HSPG2: variants seen among roughly 807,000 people sequenced by gnomAD.
HSPG2 encodes basement membrane-specific heparan sulfate proteoglycan core protein.
Under a neutral mutation model 526.6 loss-of-function variants are expected in HSPG2, and 278 were observed. The observed-to-expected ratio is 0.53, with a 90% CI of 0.48 to 0.58. HSPG2 has a LOEUF of 0.58. Among genes scored for constraint, HSPG2 ranks in the 20% least tolerant of loss-of-function variants. HSPG2 has a pLI of 0.00. For missense variants in HSPG2, 5,354 were observed against 6,099.5 expected (o/e 0.88, Z 4.07); for synonymous variants, 2,465 against 2,555.4 (o/e 0.96, Z 1.07).
intron 3 of HSPG2, among the ~76,000 whole-genome samples, chr1:21,892,470 C>G (rs1642436486): frequency 2.0e-5 from 3 of 152,374 alleles, no homozygotes; most frequent in African/African-American, 7.2e-5. Flanking sequence ...TGACCCCACC[C>G]CGCTTCGTTC....
At chr1:21,882,920 G>A (rs1478129818) in intron 13 of HSPG2, among the ~76,000 whole-genome samples, 2 of 152,094 alleles carry the variant, frequency 1.3e-5, no homozygotes, top group East Asian at 1.9e-4. Flanking sequence ...CAGAATGACC[G>A]AGCACAGCCC....
rs772736520 is a variant in HSPG2 at position 21,860,224 on chromosome 1, C to A, written c.4967G>T (p.Gly1656Val). Residue 1656 changes from glycine to valine, a missense_variant, in exon 40 of 97, where the codon GGT becomes GTT. Gly to Val is a moderately radical substitution (Grantham distance 109). Transcript: ENST00000374695. ...TGQYCEQCGP[G>V]YVGNPSVQGG... is the part of the protein sequence containing the mutation. ...TTGCACACTGGGGTTACCCACGTAACCTGGGCCACACCTGTAAGGGGGAAC... is the reference window on the plus strand; with the variant it reads ...TTGCACACTGGGGTTACCCACGTAAACTGGGCCACACCTGTAAGGGGGAAC... The A allele has an allele frequency of 6.2e-7, 1 of 1,613,578 alleles. No individual in the cohort carries two copies. The highest frequency in any genetic ancestry group is 1.6e-4 in the Middle Eastern group (1 of 6,062).
Position 21,926,420 on chromosome 1 carries a change from T to A in HSPG2, c.63+10735A>T, listed in dbSNP as rs561267341. ...TTCTGTTCCTCTGGCCTAAGGGTCA[T>A]AGCAAGGCAAAAGGCAGGAAAGGGT... On this transcript the variant is annotated intron_variant, in intron 1 of 96. Transcript: ENST00000374695. Among the ~76,000 whole-genome samples the A allele has an allele frequency of 1.4e-4, 21 of 151,994 alleles. No homozygotes were observed. The South Asian group carries it at 2.1e-3, about 15-fold the overall frequency.
At position 21,847,729 on chromosome 1, in the gene HSPG2, G is replaced by T. The variant is rs374346089; in HGVS notation, c.7985C>A (p.Thr2662Lys). The T allele has an allele frequency of 6.8e-6, 11 of 1,612,538 alleles. No individual in the cohort carries two copies. The highest frequency in any genetic ancestry group is 1.7e-4 in the Middle Eastern group (1 of 6,060). The part of the protein sequence containing the change: ...VVARQPQAII[T>K]WYKRGGSLPS... ...AAGGCTGCCCCCACGCTTGTACCAT[G>T]TGATGATAGCCTGGGGCTGCCTGGC... Residue 2662 changes from threonine to lysine, a missense_variant, in exon 61 of 97, where the codon ACA becomes AAA. Physicochemically the swap from Thr to Lys is moderately conservative, Grantham distance 78. Coordinates refer to ENST00000374695, the MANE Select transcript of HSPG2 (RefSeq NM_005529.7). This position sits in a 1 kb window ranked among gnomAD's most constrained non-coding sequence, Gnocchi z 4.1.
intron 33 of HSPG2, among the ~76,000 whole-genome samples, chr1:21,866,966 TG>T (rs1273055431): frequency 6.6e-6 from 1 of 152,198 alleles, no homozygotes; most frequent in Non-Finnish European, 1.5e-5. Flanking sequence ...GTTTCCTGCT[TG>T]CTTTGAATGC....
At chr1:21,914,344 A>G (rs2152791083) in intron 1 of HSPG2, among the ~76,000 whole-genome samples, 1 of 152,224 alleles carries the variant, frequency 6.6e-6, no homozygotes, top group South Asian at 2.1e-4. Flanking sequence ...ACTTAGAGGA[A>G]GAGCACCCAG....
chr1:21,835,145 T>A, intron 76 of HSPG2, 200 bp from the exon 77 acceptor site: 1 of 668,496 alleles, frequency 1.5e-6, no homozygotes, highest in East Asian at 2.7e-5. Context: ...TCCACTTCTT[T>A]TTTTTTTTTA....
chr1:21,896,843 G>A (rs990687739), intron 1 of HSPG2, among the ~76,000 whole-genome samples: 3 of 152,186 alleles, frequency 2.0e-5, no homozygotes, highest in African/African-American at 4.8e-5. Flanking sequence ...TGGCCTGCCC[G>A]TCTCCAGGCT....
rs886046031 is a variant in HSPG2 at position 21,850,354 on chromosome 1, G to A, written c.7294+9C>T. ...GTCCCCAGCCCTGCCCTCCCTGAGA[G>A]CTACTCACCAGGCACTGAGCCCGCA... On this transcript the variant is annotated intron_variant, in intron 56 of 96. Coordinates refer to ENST00000374695, the MANE Select transcript of HSPG2 (RefSeq NM_005529.7). 3 of 1,604,446 alleles carry A rather than the reference G, an allele frequency of 1.9e-6. No homozygotes were observed. The African/African-American group carries it at 4.0e-5, about 21-fold the overall frequency.
intron 1 of HSPG2, among the ~76,000 whole-genome samples, chr1:21,933,690 TG>T (rs1006457942): frequency 6.6e-6 from 1 of 152,078 alleles, no homozygotes; most frequent in East Asian, 1.9e-4. Context: ...GCCTAAGGGA[TG>T]GGGGGGTGGT....
chr1:21,827,839 G>T lies in HSPG2; in HGVS notation c.12589+24C>A, dbSNP rs559794446. 5.2e-5 allele frequency: 81 copies of T among 1,568,728 alleles called. No individual in the cohort carries two copies. In the East Asian group the frequency reaches 1.9e-3, roughly 36 times the overall value. ...AAGAGTGAGCTGAGCTGAAGCTGGG[G>T]AGGAGGCCATGGCAAGTACTCACCA... On this transcript the variant is annotated intron_variant, in intron 91 of 96. Coordinates refer to ENST00000374695, the MANE Select transcript of HSPG2 (RefSeq NM_005529.7).
chr1:21,875,908 C>A lies in HSPG2; in HGVS notation c.3138G>T (p.Glu1046Asp), dbSNP rs1301448873. 1.9e-6 allele frequency: 3 copies of A among 1,614,038 alleles called. No individual in the cohort carries two copies. The highest frequency in any genetic ancestry group is 1.7e-6 in the Non-Finnish European group (2 of 1,180,032). ...AGGTGCTGGGCTGGCCGGGGCTGGGCTCCTGGGCCACATGGTGCTCTAGGA... is the reference window on the plus strand; with the variant it reads ...AGGTGCTGGGCTGGCCGGGGCTGGGATCCTGGGCCACATGGTGCTCTAGGA... ...NIILEHHVAQ[E>D]PSPGQPSTFI... The change falls in exon 24 of 97, where the codon GAG (glutamate) becomes GAT (aspartate). Residue 1046 changes from glutamate to aspartate, a missense_variant. Coordinates refer to ENST00000374695, the MANE Select transcript of HSPG2 (RefSeq NM_005529.7).
At position 21,833,456 on chromosome 1, in the gene HSPG2, T is replaced by C. The variant is rs1365181278; in HGVS notation, c.10978+11A>G. On this transcript the variant is annotated intron_variant, in intron 79 of 96. Transcript: ENST00000374695. ...GCAGGGCACTGCCAATTCTTAGGGGTGGTGTCTTACCTGGCACCTGCAGGT... is the reference window on the plus strand; with the variant it reads ...GCAGGGCACTGCCAATTCTTAGGGGCGGTGTCTTACCTGGCACCTGCAGGT... 6.2e-7 allele frequency: 1 copy of C among 1,613,918 alleles called. No individual in the cohort carries two copies. The highest frequency in any genetic ancestry group is 1.1e-5 in the South Asian group (1 of 91,078).
chr1:21,926,761 C>CAAA (rs57835686), intron 1 of HSPG2, among the ~76,000 whole-genome samples: 16 of 55,840 alleles, frequency 2.9e-4, no homozygotes, highest in African/African-American at 5.9e-4. Context: ...GACTCAGTCT[C>CAAA]AAAAAAAAAA....
At chr1:21,911,588 G>C (rs1283721339) in intron 1 of HSPG2, among the ~76,000 whole-genome samples, 1 of 152,350 alleles carries the variant, frequency 6.6e-6, no homozygotes, top group East Asian at 1.9e-4. Flanking sequence ...AGTTCCCTGG[G>C]AAGCCTGGGT....
At chr1:21,906,680 G>T (rs1013961113) in intron 1 of HSPG2, among the ~76,000 whole-genome samples, 1 of 145,014 alleles carries the variant, frequency 6.9e-6, no homozygotes, top group African/African-American at 2.5e-5. Flanking sequence ...ACAAAGCTGA[G>T]CTGCCTCCCT....
In HSPG2 at chr1:21,890,369, G is replaced by T. The variant is rs1178650689; in HGVS notation, c.413+58C>A. 1.3e-6 allele frequency: 2 copies of T among 1,532,832 alleles called. No homozygotes were observed. The highest frequency in any genetic ancestry group is 1.8e-6 in the Non-Finnish European group (2 of 1,106,634). 95.0% of individuals were successfully genotyped at this position (1,532,832 alleles called of 1,614,324 possible). A position where few individuals can be genotyped will look rare whatever the true frequency, so the allele number is the denominator to read the frequency against. On this transcript the variant is annotated intron_variant, in intron 5 of 96. Coordinates refer to ENST00000374695, the MANE Select transcript of HSPG2 (RefSeq NM_005529.7). The surrounding 1 kb of genome is among the most constrained non-coding windows in gnomAD (Gnocchi z 4.1). ...CCAGGCTTCCTTCCCATCCTCATCA[G>T]CCCCCTCCAGGTTACCCGCTCAAGT...
At chr1:21,863,169 G>C (rs1021480228) in intron 37 of HSPG2, among the ~76,000 whole-genome samples, 6 of 148,880 alleles carry the variant, frequency 4.0e-5, no homozygotes, top group African/African-American at 1.5e-4. Context: ...TCAGGAGATC[G>C]AGACCATCCT....
rs1327207974 is a variant in HSPG2 at position 21,846,172 on chromosome 1, G to T, written c.8400C>A (p.Gly2800=). 1 of 1,613,112 alleles carries T rather than the reference G, an allele frequency of 6.2e-7. No homozygotes were observed. The highest frequency in any genetic ancestry group is 2.2e-5 in the East Asian group (1 of 44,888). Residue 2800 remains glycine, a synonymous_variant, in exon 64 of 97, where the codon GGC becomes GGA. Transcript: ENST00000374695. ...EYVCRVMGSS[G]PLEASVLVTI... is the part of the protein sequence containing the mutation. ...TGACCAGGACTGAGGCCTCCAGGGG[G>T]CCAGAGCTGCCCATCACCCGGCACA...
Sources: allele counts gnomAD v4.1 joint callset (sites outside exome capture counted in the v4.1 genomes callset), GRCh38; gene constraint gnomAD v4.1.1; non-coding constraint Gnocchi (gnomAD v3.1); transcripts MANE v1.5; gene names NCBI Gene and HGNC (gene_info 2026-07-23, HGNC 2026-07-21).